The following RABL3 variants were observed in gnomAD, a reference collection of about 807,000 sequenced individuals.
The protein encoded by RABL3 is RAB, member of RAS oncogene family like 3.
A neutral mutation model predicts 31.8 loss-of-function variants in RABL3; 31 were observed. That is an observed-to-expected ratio of 0.97 (90% CI 0.73 to 1.31). The LOEUF (loss-of-function observed/expected upper bound fraction) is 1.31, where lower values mean the gene tolerates loss of function less well. Among genes scored for constraint, RABL3 ranks in the 40% most tolerant of loss-of-function variants. The pLI, the probability that RABL3 is intolerant of heterozygous loss-of-function variation, is 0.00. For missense variants in RABL3, 263 were observed against 279.6 expected, an observed-to-expected ratio of 0.94 and a Z score of 0.42; for synonymous variants, 97 against 99.9, an observed-to-expected ratio of 0.97 and a Z score of 0.18.
intron 1 of RABL3, among the ~76,000 whole-genome samples, chr3:120,731,768 A>C (rs1375370692): frequency 2.6e-5 from 4 of 152,158 alleles, no homozygotes; most frequent in Non-Finnish European, 4.4e-5. Context: ...TGCACAAATG[A>C]GGGCCAGGCA....
chr3:120,731,389 C>A (rs1708880596), intron 1 of RABL3, among the ~76,000 whole-genome samples: 1 of 152,112 alleles, frequency 6.6e-6, no homozygotes, highest in Non-Finnish European at 1.5e-5. Flanking sequence ...AAAAAAGCAG[C>A]CAACCACTTA....
intron 1 of RABL3, among the ~76,000 whole-genome samples, chr3:120,734,141 T>A (rs144022382): frequency 1.6e-3 from 239 of 152,350 alleles, no homozygotes; most frequent in Non-Finnish European, 2.7e-3. Context: ...TTGGGCAGTA[T>A]GGCCATTTTC....
intron 2 of RABL3, among the ~76,000 whole-genome samples, chr3:120,713,535 G>A (rs898688330): frequency 1.3e-5 from 2 of 152,162 alleles, no homozygotes; most frequent in Non-Finnish European, 2.9e-5. Flanking sequence ...GCCAAACTAT[G>A]AGAAGTGTGT....
chr3:120,722,331 A>C (rs1708754498), intron 2 of RABL3: 1 of 152,206 alleles, frequency 6.6e-6, no homozygotes, highest in African/African-American at 2.4e-5. Flanking sequence ...AAAAGGAAGG[A>C]ATCCAACCCC....
intron 2 of RABL3, among the ~76,000 whole-genome samples, chr3:120,716,826 T>G (rs1559817762): frequency 6.6e-6 from 1 of 152,346 alleles, no homozygotes; most frequent in Non-Finnish European, 1.5e-5. Context: ...TTAGTTATTC[T>G]TTCTATAGAA....
intron 3 of RABL3, among the ~76,000 whole-genome samples, chr3:120,708,317 C>A (rs1049000086): frequency 6.6e-6 from 1 of 151,746 alleles, no homozygotes; most frequent in Non-Finnish European, 1.5e-5. Context: ...GGAGACAAAT[C>A]ACTAATGAAT....
intron 6 of RABL3, among the ~76,000 whole-genome samples, chr3:120,691,626 A>G (rs535090846): frequency 6.6e-6 from 1 of 152,344 alleles, no homozygotes; most frequent in African/African-American, 2.4e-5. Flanking sequence ...TTGACTAACA[A>G]TGTTTCCAAT....
chr3:120,704,032 A>G (rs1000115570), intron 4 of RABL3, among the ~76,000 whole-genome samples: 1 of 152,216 alleles, frequency 6.6e-6, no homozygotes, highest in Admixed American at 6.5e-5. Context: ...TAGAAGAGGA[A>G]GGAATACTTC....
At chr3:120,724,438 G>A (rs1164287112) in intron 2 of RABL3, among the ~76,000 whole-genome samples, 1 of 152,036 alleles carries the variant, frequency 6.6e-6, no homozygotes, top group African/African-American at 2.4e-5. Flanking sequence ...TCACAGAATT[G>A]GAAAAAAACT....
chr3:120,695,770 A>G (rs1360165605), intron 5 of RABL3, among the ~76,000 whole-genome samples: 1 of 152,208 alleles, frequency 6.6e-6, no homozygotes, highest in Non-Finnish European at 1.5e-5. Context: ...TTGATTAGCT[A>G]GTCATCAGAA....
chr3:120,724,099 G>T (rs970945351), intron 2 of RABL3, among the ~76,000 whole-genome samples: 1 of 152,118 alleles, frequency 6.6e-6, no homozygotes, highest in African/African-American at 2.4e-5. Flanking sequence ...ACTTCAGCAA[G>T]GTCTCAGGAT....
chr3:120,717,607 T>A (rs1414004505), intron 2 of RABL3, among the ~76,000 whole-genome samples: 1 of 152,160 alleles, frequency 6.6e-6, no homozygotes, highest in Non-Finnish European at 1.5e-5. Flanking sequence ...TAGCTAGGAT[T>A]ACAGGTGTGT....
chr3:120,691,254 A>G lies in RABL3; in HGVS notation c.607-767T>C, dbSNP rs541570541. On this transcript the variant is annotated intron_variant, in intron 6 of 7. Coordinates refer to ENST00000273375, the MANE Select transcript of RABL3 (RefSeq NM_173825.5). ...GAGCACCATGTTTCCAGATGATGAA[A>G]AACATTTTCAAGAATAATAAATTCT... 2.6e-5 allele frequency among the ~76,000 whole-genome samples: 4 copies of G among 152,338 alleles called. No homozygotes were observed. In the South Asian group the frequency reaches 8.3e-4, roughly 32 times the overall value.
At chr3:120,700,428 ATCT>A (rs1199834169) in intron 4 of RABL3, among the ~76,000 whole-genome samples, 2 of 152,230 alleles carry the variant, frequency 1.3e-5, no homozygotes, top group African/African-American at 2.4e-5. Flanking sequence ...ACAAACAGCC[ATCT>A]TCTTCTACAA....
chr3:120,705,180 G>A lies in RABL3; in HGVS notation c.383+820C>T, dbSNP rs377424828. 3.9e-5 allele frequency among the ~76,000 whole-genome samples: 6 copies of A among 152,230 alleles called. No individual in the cohort carries two copies. In the East Asian group the frequency reaches 5.8e-4, roughly 15 times the overall value. On this transcript the variant is annotated intron_variant, in intron 4 of 7. Coordinates refer to ENST00000273375, the MANE Select transcript of RABL3 (RefSeq NM_173825.5). ...AAAAGAAGATCTAAATAAATTTAGA[G>A]ATATATTGTGTTCATGAACTGGAAG... is the stretch of plus-strand genomic sequence containing the variant.
intron 3 of RABL3, among the ~76,000 whole-genome samples, chr3:120,706,572 T>C (rs1389796137): frequency 1.7e-5 from 2 of 120,934 alleles, no homozygotes; most frequent in Admixed American, 8.2e-5. Context: ...CTAAAAGTAA[T>C]ATTAGGTAAT....
At chr3:120,742,566 G>C (rs1709061532), upstream of RABL3, 2 of 1,541,556 alleles carry the variant, frequency 1.3e-6, no homozygotes, top group Non-Finnish European at 9.0e-7. Flanking sequence ...AATCAGAGTT[G>C]GGCATGGAGG....
chr3:120,742,667 C>CG, upstream of RABL3: 2 of 704,936 alleles, frequency 2.8e-6, no homozygotes, highest in Non-Finnish European at 4.9e-6. Flanking sequence ...TAAAAGGTAG[C>CG]GGGGTGCTTC....
chr3:120,692,604 G>T (rs1268862018), intron 6 of RABL3, among the ~76,000 whole-genome samples: 3 of 152,122 alleles, frequency 2.0e-5, no homozygotes, highest in African/African-American at 7.2e-5. Flanking sequence ...CAGTCTGGAG[G>T]TCTGGCCAAC....
Sources: gnomAD v4.1 joint callset for allele counts (sites outside exome capture counted in the v4.1 genomes callset) on GRCh38, gnomAD v4.1.1 for gene constraint, MANE v1.5 for transcripts, NCBI Gene and HGNC (gene_info 2026-07-23, HGNC 2026-07-21) for gene names.